The following ASH1L variants were observed in gnomAD, a reference collection of about 807,000 sequenced individuals.
ASH1L encodes ASH1 like histone lysine methyltransferase, also known as histone-lysine N-methyltransferase ASH1L.
In ASH1L, 23 loss-of-function variants were observed where a neutral mutation model predicts 269.0. That is an observed-to-expected ratio of 0.09 (90% CI 0.06 to 0.12). ASH1L has a LOEUF of 0.12. ASH1L is among the 10% of genes least tolerant of loss of function. The pLI is 1.00. For synonymous variants in ASH1L, 1,187 were observed against 1,253.5 expected, an observed-to-expected ratio of 0.95 and a Z score of 1.12; for missense variants, 2,912 against 3,567.8, an observed-to-expected ratio of 0.82 and a Z score of 4.68.
At chr1:155,497,192 T>C (rs1025971244) in intron 2 of ASH1L, among the ~76,000 whole-genome samples, 9 of 152,130 alleles carry the variant, frequency 5.9e-5, no homozygotes, top group African/African-American at 2.2e-4. Context: ...CCAGAAGAAG[T>C]GAAAGCAGGA....
At chr1:155,455,833 A>G (rs1280372555) in intron 4 of ASH1L, among the ~76,000 whole-genome samples, 1 of 152,230 alleles carries the variant, frequency 6.6e-6, no homozygotes, top group Non-Finnish European at 1.5e-5. Context: ...GGAGAGGCAG[A>G]GAATTAGTAA....
At chr1:155,363,156 T>C (rs950917282) in intron 12 of ASH1L, among the ~76,000 whole-genome samples, 1 of 152,136 alleles carries the variant, frequency 6.6e-6, no homozygotes, top group Non-Finnish European at 1.5e-5. Context: ...GCTAATTTTG[T>C]ATTTTTAGTA....
chr1:155,501,863 A>G (rs1273228120), intron 2 of ASH1L, among the ~76,000 whole-genome samples: 2 of 151,930 alleles, frequency 1.3e-5, no homozygotes, highest in Non-Finnish European at 2.9e-5. Context: ...GGGTTTCACC[A>G]TGTTGGCCAG....
intron 1 of ASH1L, among the ~76,000 whole-genome samples, chr1:155,534,423 T>C (rs1669907688): frequency 6.6e-6 from 1 of 150,900 alleles, no homozygotes; most frequent in African/African-American, 2.4e-5. Context: ...GTCAATATAA[T>C]GTGAGAGGAT....
At chr1:155,556,582 C>T (rs1203493488) in intron 1 of ASH1L, among the ~76,000 whole-genome samples, 2 of 152,016 alleles carry the variant, frequency 1.3e-5, no homozygotes, top group Admixed American at 6.6e-5. Context: ...GTAGCTGGGA[C>T]TACAGGCACA....
intron 7 of ASH1L, among the ~76,000 whole-genome samples, chr1:155,388,766 C>A (rs1427870282): frequency 6.9e-6 from 1 of 145,750 alleles, no homozygotes; most frequent in Non-Finnish European, 1.5e-5. Flanking sequence ...ATCACCCAGG[C>A]TGGAGTGCGC....
chr1:155,517,826 A>C (rs1490041173), intron 2 of ASH1L, among the ~76,000 whole-genome samples: 1 of 88,110 alleles, frequency 1.1e-5, no homozygotes, highest in African/African-American at 4.6e-5. Flanking sequence ...TTTGAGACGG[A>C]GTCTCGCTCT....
intron 1 of ASH1L, among the ~76,000 whole-genome samples, chr1:155,542,951 G>A (rs1361301291): frequency 6.6e-6 from 1 of 151,870 alleles, no homozygotes; most frequent in African/African-American, 2.4e-5. Context: ...GATTACAGGC[G>A]TGAGCCACCA....
rs747132753 is a variant in ASH1L, at chr1:155,492,033, C to CTT, written c.421-9586_421-9585dup. ...CTAAGGTGGAATATAGTTTTGTTTA[C>CTT]TTTTTTTTTTTTTTTTTTTTGATGG... On this transcript the variant is annotated intron_variant, in intron 2 of 27. Coordinates refer to ENST00000392403, the MANE Select transcript of ASH1L (RefSeq NM_018489.3). Among the ~76,000 whole-genome samples the CTT allele has an allele frequency of 3.8e-3, 424 of 111,914 alleles. 6 individuals carry two copies. The highest frequency in any genetic ancestry group is 6.1e-3 in the African/African-American group (187 of 30,456). 73.4% of individuals were successfully genotyped at this position (111,914 alleles called of 152,430 possible).
intron 5 of ASH1L, among the ~76,000 whole-genome samples, chr1:155,416,904 CCTTT>C (rs554537323): frequency 1.8e-3 from 261 of 148,186 alleles, no homozygotes; most frequent in Middle Eastern, 3.4e-3. Context: ...CTCCTTCCTT[CCTTT>C]CTTTTTCTTT....
intron 25 of ASH1L, among the ~76,000 whole-genome samples, chr1:155,341,179 A>AC (rs1558011539): frequency 7.6e-5 from 7 of 92,228 alleles, no homozygotes; most frequent in Admixed American, 1.1e-4. Flanking sequence ...AATGTTCACA[A>AC]TTTTTTTTTT....
In ASH1L at chr1:155,402,862, CT is replaced by C. The variant is rs113884065; in HGVS notation, c.6009-7310del. 9.4e-3 allele frequency among the ~76,000 whole-genome samples: 1,283 copies of C among 135,952 alleles called. 7 individuals carry two copies. Among genetic ancestry groups the C allele is most frequent in the Non-Finnish European group, 0.012 (750 of 64,094 alleles). 89.2% of individuals were successfully genotyped at this position (135,952 alleles called of 152,430 possible). A position where few individuals can be genotyped will look rare whatever the true frequency, so the allele number is the denominator to read the frequency against. ...AGCCACCACACCCAGCCAAGTTATA[CT>C]TTTTTTTTTTTTTTTTTTCAGCATA... On this transcript the variant is annotated intron_variant, in intron 6 of 27. Transcript: ENST00000392403.
chr1:155,467,323 T>C (rs1334150678), intron 3 of ASH1L, among the ~76,000 whole-genome samples: 1 of 152,152 alleles, frequency 6.6e-6, no homozygotes, highest in African/African-American at 2.4e-5. Flanking sequence ...ATAAATTAAA[T>C]AGAATCACTA....
chr1:155,463,403 G>A (rs1191961094), intron 3 of ASH1L, among the ~76,000 whole-genome samples: 2 of 152,096 alleles, frequency 1.3e-5, no homozygotes, highest in Admixed American at 6.6e-5. Flanking sequence ...GTCCCAAAAC[G>A]AGATAATGTA....
At chr1:155,511,904 G>A (rs2148819540) in intron 2 of ASH1L, among the ~76,000 whole-genome samples, 1 of 151,910 alleles carries the variant, frequency 6.6e-6, no homozygotes, top group Admixed American at 6.6e-5. Flanking sequence ...TCTTCCTCCT[G>A]GGTTCAAGCG....
chr1:155,396,277 T>A (rs1658339170), intron 6 of ASH1L: 4 of 152,130 alleles, frequency 2.6e-5, no homozygotes. Flanking sequence ...TCATTTAAGA[T>A]ATTATGACTA....
At chr1:155,452,268 A>G (rs1663539407) in intron 4 of ASH1L, among the ~76,000 whole-genome samples, 1 of 151,430 alleles carries the variant, frequency 6.6e-6, no homozygotes, top group African/African-American at 2.4e-5. Context: ...CCAACTCCGG[A>G]CCTCAGGTGA....
chr1:155,505,946 G>A (rs1250002392), intron 2 of ASH1L, among the ~76,000 whole-genome samples: 6 of 152,068 alleles, frequency 3.9e-5, no homozygotes, highest in Admixed American at 6.5e-5. Flanking sequence ...CCATTAACTC[G>A]TCATTTACAT....
Position 155,521,341 on chromosome 1 carries a change from G to A in ASH1L, c.179C>T (p.Ala60Val), listed in dbSNP as rs767568776. Residue 60 changes from alanine to valine, a missense_variant, in exon 2 of 28, where the codon GCT becomes GTT. Ala to Val is a moderately conservative substitution (Grantham distance 64). Transcript: ENST00000392403. ...RKRNRERNIE[A>V]GKDDGLTDAQ... ...ATCAGTCAAACCATCATCTTTCCCA[G>A]CTTCGATGTTTCTTTCTCGATTCCG... The A allele has an allele frequency of 3.1e-6, 5 of 1,613,932 alleles. No individual in the cohort carries two copies. The African/African-American group carries it at 4.0e-5, about 13-fold the overall frequency.
Sources: gnomAD v4.1 joint callset for allele counts (sites outside exome capture counted in the v4.1 genomes callset) on GRCh38, gnomAD v4.1.1 for gene constraint, MANE v1.5 for transcripts, NCBI Gene and HGNC (gene_info 2026-07-23, HGNC 2026-07-21) for gene names.